LRRC4C: variants seen among roughly 807,000 people sequenced by gnomAD.
The protein encoded by LRRC4C is leucine-rich repeat-containing protein 4C.
LRRC4C carries 5 observed loss-of-function variants against 33.6 expected under a neutral mutation model. That is an observed-to-expected ratio of 0.15 (90% CI 0.08 to 0.31). The LOEUF (loss-of-function observed/expected upper bound fraction) is 0.31. LRRC4C is among the 10% of genes least tolerant of loss of function. LRRC4C has a pLI of 1.00. For missense variants in LRRC4C, 560 were observed against 796.7 expected, an observed-to-expected ratio of 0.70 and a Z score of 3.58; for synonymous variants, 329 against 302.0, an observed-to-expected ratio of 1.09 and a Z score of -0.93.
intron 3 of LRRC4C, among the ~76,000 whole-genome samples, chr11:40,490,096 G>A (rs1039039): frequency 0.13 from 19,386 of 152,104 alleles, 1,400 homozygotes; most frequent in African/African-American, 0.18. Context: ...CTGCCATATA[G>A]TGTATGTTCA....
chr11:40,757,064 C>A (rs1293414593), intron 2 of LRRC4C, among the ~76,000 whole-genome samples: 1 of 152,004 alleles, frequency 6.6e-6, no homozygotes, highest in African/African-American at 2.4e-5. Flanking sequence ...ATACTCTCTT[C>A]CAAGGACTGT....
In LRRC4C at chr11:41,163,284, GT is replaced by G. The variant is rs71466923; in HGVS notation, c.-495-229562del. 8.4e-3 allele frequency among the ~76,000 whole-genome samples: 615 copies of G among 73,374 alleles called. 62 individuals are homozygous for G. The highest frequency in any genetic ancestry group is 0.03 in the African/African-American group (589 of 19,868). 48.1% of individuals were successfully genotyped at this position (73,374 alleles called of 152,430 possible). ...GTAATAAACTTAGTTTACTGTAACTGTTTTTTTTTTTTTTTTTCAAACAGGG... is the reference window on the plus strand; with the variant it reads ...GTAATAAACTTAGTTTACTGTAACTGTTTTTTTTTTTTTTTTCAAACAGGG... On this transcript the variant is annotated intron_variant, in intron 1 of 6. Transcript: ENST00000528697.
At chr11:40,583,511 A>G (rs1392245646) in intron 3 of LRRC4C, among the ~76,000 whole-genome samples, 4 of 151,882 alleles carry the variant, frequency 2.6e-5, no homozygotes, top group Admixed American at 2.6e-4. Context: ...CATCTTCCTC[A>G]TCTCTATTTG....
chr11:40,933,968 T>C (rs1957750661), intron 1 of LRRC4C, among the ~76,000 whole-genome samples: 1 of 152,174 alleles, frequency 6.6e-6, no homozygotes, highest in Non-Finnish European at 1.5e-5. Context: ...CTGAGAAAAG[T>C]GTCACTTTAT....
At chr11:40,217,258 T>G in intron 5 of LRRC4C, among the ~76,000 whole-genome samples, 1 of 152,088 alleles carries the variant, frequency 6.6e-6, no homozygotes, top group East Asian at 1.9e-4. Flanking sequence ...CTTTATAATA[T>G]AGGTAATATT....
intron 2 of LRRC4C, among the ~76,000 whole-genome samples, chr11:40,730,338 A>G (rs1455251393): frequency 6.6e-6 from 1 of 152,206 alleles, no homozygotes; most frequent in East Asian, 1.9e-4. Context: ...AGGTGTCCCA[A>G]CCACTACATT....
At chr11:40,272,085 CG>C in intron 4 of LRRC4C, among the ~76,000 whole-genome samples, 1 of 151,992 alleles carries the variant, frequency 6.6e-6, no homozygotes, top group African/African-American at 2.4e-5. Flanking sequence ...AAATGAAATA[CG>C]GATGTATTCA....
intron 3 of LRRC4C, among the ~76,000 whole-genome samples, chr11:40,343,022 T>A: frequency 6.6e-6 from 1 of 151,898 alleles, no homozygotes; most frequent in South Asian, 2.1e-4. Flanking sequence ...TTTTTTTATT[T>A]TATATATATA....
intron 2 of LRRC4C, among the ~76,000 whole-genome samples, chr11:40,662,725 G>C (rs572228478): frequency 6.6e-6 from 1 of 152,188 alleles, no homozygotes; most frequent in East Asian, 1.9e-4. Context: ...TCAAATCCTA[G>C]TTCTGTCATT....
At chr11:41,029,162 G>GAT (rs1337753430) in intron 1 of LRRC4C, among the ~76,000 whole-genome samples, 1 of 151,640 alleles carries the variant, frequency 6.6e-6, no homozygotes, top group Non-Finnish European at 1.5e-5. Flanking sequence ...ACTACATTAC[G>GAT]ATTGAATAGA....
At chr11:40,485,404 T>A (rs1590882879) in intron 3 of LRRC4C, among the ~76,000 whole-genome samples, 1 of 151,984 alleles carries the variant, frequency 6.6e-6, no homozygotes, top group South Asian at 2.1e-4. Context: ...TAGAGTTACA[T>A]GTTTATTCTG....
intron 1 of LRRC4C, among the ~76,000 whole-genome samples, chr11:41,326,237 C>G (rs2137320512): frequency 6.6e-6 from 1 of 152,260 alleles, no homozygotes; most frequent in Non-Finnish European, 1.5e-5. Context: ...TTGCTGGATA[C>G]TTCGTGCCCT....
chr11:41,357,788 AAG>A (rs996067981), intron 1 of LRRC4C, among the ~76,000 whole-genome samples: 4 of 152,154 alleles, frequency 2.6e-5, no homozygotes, highest in African/African-American at 9.6e-5. Flanking sequence ...TATTTTTATA[AAG>A]AGAGAGAATG....
chr11:40,836,065 T>C (rs1952656263), intron 2 of LRRC4C, among the ~76,000 whole-genome samples: 1 of 152,158 alleles, frequency 6.6e-6, no homozygotes, highest in African/African-American at 2.4e-5. Context: ...AATTGAATAA[T>C]CTAAGATGGA....
chr11:41,099,237 GA>G (rs1941008840), intron 1 of LRRC4C, among the ~76,000 whole-genome samples: 1 of 151,956 alleles, frequency 6.6e-6, no homozygotes, highest in African/African-American at 2.4e-5. Flanking sequence ...GACAGATTCA[GA>G]GCCAAATTCA....
At chr11:40,224,941 G>T (rs1000081382) in intron 5 of LRRC4C, among the ~76,000 whole-genome samples, 5 of 152,200 alleles carry the variant, frequency 3.3e-5, no homozygotes, top group African/African-American at 2.4e-5. Flanking sequence ...ACAAATAGAA[G>T]TCAATCCCCT....
intron 2 of LRRC4C, among the ~76,000 whole-genome samples, chr11:40,916,791 T>C (rs372468412): frequency 3.8e-4 from 58 of 152,110 alleles, no homozygotes; most frequent in African/African-American, 1.3e-3. Context: ...AGACACTTAA[T>C]TGGTCTTAGA....
intron 1 of LRRC4C, among the ~76,000 whole-genome samples, chr11:40,962,493 C>T (rs953317561): frequency 6.6e-6 from 1 of 151,666 alleles, no homozygotes; most frequent in Non-Finnish European, 1.5e-5. Flanking sequence ...AGAATAATAA[C>T]GTATTGTAAT....
chr11:40,163,778 T>C (rs906926693), intron 5 of LRRC4C, among the ~76,000 whole-genome samples: 1 of 152,032 alleles, frequency 6.6e-6, no homozygotes, highest in Non-Finnish European at 1.5e-5. Flanking sequence ...TATATAATCC[T>C]CCCACTGAGT....
Sources: gnomAD v4.1 joint callset for allele counts (sites outside exome capture counted in the v4.1 genomes callset) on GRCh38, gnomAD v4.1.1 for gene constraint, MANE v1.5 for transcripts, NCBI Gene and HGNC (gene_info 2026-07-23, HGNC 2026-07-21) for gene names.